The following STIM1 variants were observed in gnomAD, a reference collection of about 807,000 sequenced individuals.
STIM1 encodes the protein stromal interaction molecule 1.
A neutral mutation model predicts 74.7 loss-of-function variants in STIM1; 25 were observed. That is an observed-to-expected ratio of 0.33 (90% CI 0.24 to 0.47). STIM1 has a LOEUF of 0.47. STIM1 is among the 20% of genes least tolerant of loss of function. The pLI, the probability that STIM1 is intolerant of heterozygous loss-of-function variation, is 1.00. For missense variants in STIM1, 728 were observed against 920.8 expected (o/e 0.79, Z 2.71); for synonymous variants, 328 against 348.8 (o/e 0.94, Z 0.66).
intron 5 of STIM1, among the ~76,000 whole-genome samples, chr11:4,063,690 G>A (rs913442737): frequency 6.6e-6 from 1 of 152,052 alleles, no homozygotes; most frequent in Non-Finnish European, 1.5e-5. Context: ...TGTAGCTCCT[G>A]GATTTTTATT....
intron 3 of STIM1, among the ~76,000 whole-genome samples, chr11:4,046,021 C>T (rs926788689): frequency 3.4e-5 from 5 of 145,288 alleles, no homozygotes; most frequent in South Asian, 2.3e-4. Context: ...CCACCCACCT[C>T]GGCCTCCCAA....
At position 3,856,229 on chromosome 11, in the gene STIM1, G is replaced by T. The variant is rs1236125025; in HGVS notation, c.-42G>T. 1 of 1,613,138 alleles carries T rather than the reference G, an allele frequency of 6.2e-7. No individual in the cohort carries two copies. The highest frequency in any genetic ancestry group is 2.2e-5 in the East Asian group (1 of 44,888). On this transcript the variant is annotated 5_prime_UTR_variant, in exon 1 of 13. Transcript: ENST00000526596. Reference sequence around the variant, plus strand: ...CTCCTGGCTTTGCCTCTGGGATCCCGAGGTGTCCACATCAGACGCATGTTG... The same window carrying T: ...CTCCTGGCTTTGCCTCTGGGATCCCTAGGTGTCCACATCAGACGCATGTTG...
chr11:3,969,023 C>T (rs2135742008), intron 2 of STIM1, among the ~76,000 whole-genome samples: 1 of 152,308 alleles, frequency 6.6e-6, no homozygotes, highest in Non-Finnish European at 1.5e-5. Flanking sequence ...TATTGTTTCT[C>T]CTATTCTAAG....
At chr11:3,895,885 C>T (rs965344851) in intron 1 of STIM1, among the ~76,000 whole-genome samples, 22 of 116,680 alleles carry the variant, frequency 1.9e-4, no homozygotes, top group African/African-American at 7.4e-4. Context: ...TCTTTTCTTT[C>T]TTTTCTTTCT....
intron 1 of STIM1, among the ~76,000 whole-genome samples, chr11:3,940,282 C>T (rs2092989111): frequency 6.6e-6 from 1 of 152,068 alleles, no homozygotes; most frequent in South Asian, 2.1e-4. Context: ...GGGGCTCACT[C>T]AGGGTCCAGT....
intron 1 of STIM1, among the ~76,000 whole-genome samples, chr11:3,884,728 G>C (rs1006824395): frequency 6.6e-6 from 1 of 151,514 alleles, no homozygotes; most frequent in Non-Finnish European, 1.5e-5. Context: ...GTTGTGGTGA[G>C]CTGAGATTGC....
intron 1 of STIM1, among the ~76,000 whole-genome samples, chr11:3,876,549 G>A (rs1474425423): frequency 1.3e-5 from 2 of 152,144 alleles, no homozygotes; most frequent in Non-Finnish European, 2.9e-5. Context: ...GGGACTACAG[G>A]CACATGCCAC....
chr11:3,934,868 C>CT (rs564639203), intron 1 of STIM1, among the ~76,000 whole-genome samples: 192 of 152,296 alleles, frequency 1.3e-3, no homozygotes, highest in African/African-American at 4.4e-3. Context: ...TTCTAAGTCC[C>CT]TGGGCTTGAC....
chr11:3,933,681 GTCTC>G (rs964114125), intron 1 of STIM1, among the ~76,000 whole-genome samples: 9 of 152,090 alleles, frequency 5.9e-5, no homozygotes, highest in African/African-American at 1.9e-4. Context: ...ATAACCTAGA[GTCTC>G]TCTCTCTTCC....
chr11:3,981,805 G>A (rs1157899118), intron 2 of STIM1, among the ~76,000 whole-genome samples: 1 of 152,090 alleles, frequency 6.6e-6, no homozygotes, highest in African/African-American at 2.4e-5. Context: ...TAAAATGATA[G>A]GAAAGACTTT....
At chr11:3,933,593 A>G (rs2092897310) in intron 1 of STIM1, among the ~76,000 whole-genome samples, 1 of 151,960 alleles carries the variant, frequency 6.6e-6, no homozygotes, top group South Asian at 2.1e-4. Flanking sequence ...ACCTTGACTT[A>G]TTTGCCTTGC....
At chr11:4,039,549 G>GCA (rs2094131263) in intron 3 of STIM1, among the ~76,000 whole-genome samples, 1 of 128,708 alleles carries the variant, frequency 7.8e-6, no homozygotes, top group African/African-American at 2.9e-5. Context: ...TCATGCCACT[G>GCA]CACTCCAGCC....
At chr11:3,992,813 T>G (rs1375161121) in intron 2 of STIM1, among the ~76,000 whole-genome samples, 1 of 152,234 alleles carries the variant, frequency 6.6e-6, no homozygotes, top group Non-Finnish European at 1.5e-5. Flanking sequence ...CTGCTATATA[T>G]ACTACCTTCC....
rs201573756 is a variant in STIM1 at position 4,091,297 on chromosome 11, C to T, written c.1650C>T (p.Ser550=). The change falls in exon 13 of 13, where the codon TCC becomes TCT. Residue 550 remains serine, a synonymous_variant. Coordinates refer to ENST00000526596, the MANE Select transcript of STIM1 (RefSeq NM_001382567.1). ...TGTCTTGCAGGGATTTGACCCATTC[C>T]GATTCGGAGTCCTCCCTCCACATGA... ...GLGSQRDLTH[S]DSESSLHMSD... 1.7e-5 allele frequency: 27 copies of T among 1,614,058 alleles called. No individual in the cohort carries two copies. Among genetic ancestry groups the T allele is most frequent in the South Asian group, 5.5e-5 (5 of 91,088 alleles).
intron 1 of STIM1, among the ~76,000 whole-genome samples, chr11:3,869,368 G>A (rs2090991608): frequency 6.6e-6 from 1 of 152,128 alleles, no homozygotes; most frequent in Non-Finnish European, 1.5e-5. Flanking sequence ...TTTTGTACAA[G>A]GCAATCTTGG....
Position 3,941,696 on chromosome 11 carries a change from A to AGAGAGAGAGAGAGAGAGTGT in STIM1, c.140-25855_140-25854insAGAGAGAGAGAGAGAGTGTG, listed in dbSNP as rs1214690521. 1.5e-3 allele frequency among the ~76,000 whole-genome samples: 219 copies of AGAGAGAGAGAGAGAGAGTGT among 141,720 alleles called. 2 individuals are homozygous for AGAGAGAGAGAGAGAGAGTGT. The highest frequency in any genetic ancestry group is 6.7e-3 in the East Asian group (31 of 4,598). The allele number at this position is 141,720 out of a possible 152,430, so 93.0% of individuals were successfully genotyped here. ...TATAGAGAGAGAGAGAGAGAGAGAG[A>AGAGAGAGAGAGAGAGAGTGT]GTGTGTGTGTGTCTCAGTGTCACTG... On this transcript the variant is annotated intron_variant, in intron 1 of 12. Transcript: ENST00000526596.
rs2094528289 is a variant in STIM1 at position 4,092,056 on chromosome 11, A to G, written c.*258A>G. ...TGTCACTCCCTCTCCACTTCAGTGC[A>G]TGTCTTAGTTGCTGTTCCCTCAGCT... On this transcript the variant is annotated 3_prime_UTR_variant, in exon 13 of 13. Coordinates refer to ENST00000526596, the MANE Select transcript of STIM1 (RefSeq NM_001382567.1). The G allele has an allele frequency of 1.8e-6, 1 of 553,138 alleles. No homozygotes were observed. The highest frequency in any genetic ancestry group is 2.1e-5 in the South Asian group (1 of 48,494). The allele number at this position is 553,138 out of a possible 1,614,324, so 34.3% of individuals were successfully genotyped here. A position where few individuals can be genotyped will look rare whatever the true frequency, so the allele number is the denominator to read the frequency against.
intron 2 of STIM1, among the ~76,000 whole-genome samples, chr11:3,975,669 C>T (rs2135774212): frequency 6.6e-6 from 1 of 151,924 alleles, no homozygotes; most frequent in East Asian, 1.9e-4. Context: ...GAAAATAAGC[C>T]ACTTAATAAA....
intron 3 of STIM1, among the ~76,000 whole-genome samples, chr11:4,034,264 A>G (rs1001715371): frequency 6.6e-6 from 1 of 151,224 alleles, no homozygotes; most frequent in African/African-American, 2.4e-5. Context: ...TAACAAAATT[A>G]TATATATATA....
Sources: allele counts gnomAD v4.1 joint callset (sites outside exome capture counted in the v4.1 genomes callset), GRCh38; gene constraint gnomAD v4.1.1; transcripts MANE v1.5; gene names NCBI Gene and HGNC (gene_info 2026-07-23, HGNC 2026-07-21).